MMP20: variants seen among roughly 807,000 people sequenced by gnomAD.
MMP20 encodes matrix metallopeptidase 20, also known as matrix metalloproteinase-20.
A neutral mutation model predicts 51.8 loss-of-function variants in MMP20; 50 were observed. That is an observed-to-expected ratio of 0.97 (90% CI 0.77 to 1.22). MMP20 has a LOEUF of 1.22. MMP20 is among the 50% of genes most tolerant of loss of function. The pLI is 0.00. For missense variants in MMP20, 663 were observed against 601.4 expected (o/e 1.10, Z -1.07); for synonymous variants, 244 against 216.2 (o/e 1.13, Z -1.13).
intron 4 of MMP20, 36 bp from the exon 5 acceptor site, chr11:102,609,134 A>G (rs1469005162): frequency 6.2e-7 from 1 of 1,602,784 alleles, no homozygotes; most frequent in Admixed American, 1.7e-5. Flanking sequence ...CAGTATCAAC[A>G]CAGGTTTTTG....
intron 6 of MMP20, among the ~76,000 whole-genome samples, chr11:102,601,359 C>G (rs1859444410): frequency 2.6e-5 from 1 of 38,496 alleles, no homozygotes; most frequent in Non-Finnish European, 7.2e-5. Context: ...GTCTCGATCT[C>G]CTGACCTCGT....
chr11:102,605,323 C>T (rs1417478197), intron 6 of MMP20: 1 of 152,114 alleles, frequency 6.6e-6, no homozygotes, highest in Non-Finnish European at 1.5e-5. Context: ...GCCACCTGGT[C>T]TATGGTACTT....
At chr11:102,622,296 C>G (rs1859760775) in intron 1 of MMP20, among the ~76,000 whole-genome samples, 1 of 152,032 alleles carries the variant, frequency 6.6e-6, no homozygotes, top group Non-Finnish European at 1.5e-5. Flanking sequence ...AGAGAGCATC[C>G]CTAAGCACTC....
chr11:102,606,159 A>C (rs1859512424), intron 6 of MMP20, among the ~76,000 whole-genome samples: 1 of 152,264 alleles, frequency 6.6e-6, no homozygotes, highest in African/African-American at 2.4e-5. Flanking sequence ...CAAAATGGAC[A>C]TCAGATCAAT....
chr11:102,590,201 C>A (rs1859301789), intron 8 of MMP20, among the ~76,000 whole-genome samples: 1 of 151,974 alleles, frequency 6.6e-6, no homozygotes, highest in Non-Finnish European at 1.5e-5. Flanking sequence ...GAGAAATCAG[C>A]CATAGGTAGT....
At chr11:102,620,207 T>G (rs1711408) in intron 1 of MMP20, among the ~76,000 whole-genome samples, 9,810 of 152,320 alleles carry the variant, frequency 0.064, 440 homozygotes, top group Admixed American at 0.09. Flanking sequence ...ATGTTTGAGC[T>G]CTTTTTCTTT....
Position 102,609,077 on chromosome 11 carries a change from G to A in MMP20, c.671C>T (p.Ala224Val). 1.2e-6 allele frequency: 2 copies of A among 1,614,162 alleles called. No homozygotes were observed. Among genetic ancestry groups the A allele is most frequent in the Non-Finnish European group, 1.7e-6 (2 of 1,180,008 alleles). ...GTNGFNLFTV[A>V]AHEFGHALGL... Reference sequence around the variant, plus strand: ...CAGGGCATGGCCAAATTCATGAGCAGCAACGGTAAACAAATTAAAACCTAG... The same window carrying A: ...CAGGGCATGGCCAAATTCATGAGCAACAACGGTAAACAAATTAAAACCTAG... Residue 224 changes from alanine to valine, a missense_variant, in exon 5 of 10, where the codon GCT becomes GTT. Ala to Val is a moderately conservative substitution (Grantham distance 64). Coordinates refer to ENST00000260228, the MANE Select transcript of MMP20 (RefSeq NM_004771.4).
Position 102,625,203 on chromosome 11 carries a change from G to T in MMP20, c.117C>A (p.Arg39=), listed in dbSNP as rs1257940531. The T allele has an allele frequency of 6.2e-7, 1 of 1,613,950 alleles. No individual in the cohort carries two copies. The highest frequency in any genetic ancestry group is 1.3e-5 in the African/African-American group (1 of 75,042). ...GCAAAAATTCACAAACCTGTGCGAGGCGGTAGTTGTTCCTCCAGGTCCTGG... is the reference window on the plus strand; with the variant it reads ...GCAAAAATTCACAAACCTGTGCGAGTCGGTAGTTGTTCCTCCAGGTCCTGG... ...ASPRTWRNNY[R]LAQAYLDKYY... The change falls in exon 1 of 10, where the codon CGC becomes CGA. Residue 39 remains arginine, a synonymous_variant. Coordinates refer to ENST00000260228, the MANE Select transcript of MMP20 (RefSeq NM_004771.4).
At chr11:102,618,655 G>A (rs1423707466) in intron 1 of MMP20, among the ~76,000 whole-genome samples, 2 of 151,970 alleles carry the variant, frequency 1.3e-5, no homozygotes. Context: ...ATAATTTTCT[G>A]AATAAATCAT....
intron 4 of MMP20, among the ~76,000 whole-genome samples, chr11:102,609,346 C>T (rs1043702853): frequency 3.9e-5 from 6 of 152,142 alleles, no homozygotes; most frequent in Admixed American, 3.9e-4. Flanking sequence ...TATTCATCAT[C>T]AGTGATGTTT....
At chr11:102,610,452 T>C (rs1238384847) in intron 3 of MMP20, among the ~76,000 whole-genome samples, 1 of 152,176 alleles carries the variant, frequency 6.6e-6, no homozygotes, top group Non-Finnish European at 1.5e-5. Context: ...CCTTTCAAAT[T>C]TGATTCAGCT....
At chr11:102,594,919 T>A (rs1360440252) in intron 6 of MMP20, among the ~76,000 whole-genome samples, 162 bp from the exon 7 acceptor site, 1 of 151,670 alleles carries the variant, frequency 6.6e-6, no homozygotes, top group Non-Finnish European at 1.5e-5. Context: ...TTTTTTTTTT[T>A]TTTTGAGATG....
At chr11:102,603,645 T>C (rs1022113728) in intron 6 of MMP20, among the ~76,000 whole-genome samples, 1 of 152,156 alleles carries the variant, frequency 6.6e-6, no homozygotes, top group Non-Finnish European at 1.5e-5. Flanking sequence ...CCTCACTTTA[T>C]AGAAAAGGAA....
In MMP20 at chr11:102,606,413, C is replaced by T. The variant is rs1256662900; in HGVS notation, c.953+122G>A. On this transcript the variant is annotated intron_variant, in intron 6 of 9. Transcript: ENST00000260228. Reference sequence around the variant, plus strand: ...AAGACCCCTGCCTACCACCCTTCTGCTGCATAGGACAGCATTTCTGCATGA... The same window carrying T: ...AAGACCCCTGCCTACCACCCTTCTGTTGCATAGGACAGCATTTCTGCATGA... 3.5e-5 allele frequency: 47 copies of T among 1,325,844 alleles called. No individual in the cohort carries two copies. The South Asian group carries it at 5.0e-4, about 14-fold the overall frequency. 82.1% of individuals were successfully genotyped at this position (1,325,844 alleles called of 1,614,324 possible).
chr11:102,591,738 C>G (rs986503728), intron 8 of MMP20, among the ~76,000 whole-genome samples: 14 of 152,172 alleles, frequency 9.2e-5, no homozygotes, highest in South Asian at 2.1e-4. Flanking sequence ...TGGAAAGGTA[C>G]AGTACGATTT....
rs1169440764 is a variant in MMP20 at position 102,577,388 on chromosome 11, A to T, written c.1390T>A (p.Tyr464Asn). ...ACCACATCTTCCTTCTCTGTGTCAT[A>T]CTTGTATGTTTTTGGTCCTGAAAAG... ...YFFSGPKTYK[Y>N]DTEKEDVVSV... Residue 464 changes from tyrosine (Y) to asparagine (N), a missense_variant, in exon 10 of 10, where the codon TAT (tyrosine) becomes AAT (asparagine). Coordinates refer to ENST00000260228, the MANE Select transcript of MMP20 (RefSeq NM_004771.4). 1.2e-6 allele frequency: 2 copies of T among 1,614,064 alleles called. No homozygotes were observed.
chr11:102,581,100 C>T (rs1859189375), intron 8 of MMP20, among the ~76,000 whole-genome samples: 1 of 152,110 alleles, frequency 6.6e-6, no homozygotes, highest in African/African-American at 2.4e-5. Flanking sequence ...GCTCTGAGCC[C>T]TGGTTTTTCT....
chr11:102,624,670 C>A (rs557721240), intron 1 of MMP20, among the ~76,000 whole-genome samples: 2 of 152,112 alleles, frequency 1.3e-5, no homozygotes, highest in Admixed American at 6.5e-5. Context: ...GAGAAAAGGC[C>A]TTCAAATGAG....
chr11:102,586,372 A>G (rs892622537), intron 8 of MMP20, among the ~76,000 whole-genome samples: 2 of 152,070 alleles, frequency 1.3e-5, no homozygotes, highest in African/African-American at 4.8e-5. Context: ...ACTCGGTTTT[A>G]CTAGATTGTG....
Sources: allele counts gnomAD v4.1 joint callset (sites outside exome capture counted in the v4.1 genomes callset), GRCh38; gene constraint gnomAD v4.1.1; transcripts MANE v1.5; gene names NCBI Gene and HGNC (gene_info 2026-07-23, HGNC 2026-07-21).